TANK: variants seen among roughly 807,000 people sequenced by gnomAD.
TANK encodes the protein TRAF family member-associated NF-kappa-B activator.
TANK carries 15 observed loss-of-function variants against 43.6 expected under a neutral mutation model. The ratio of observed to expected loss-of-function variants is 0.34; its 90% CI spans 0.23 to 0.53. The LOEUF is 0.53. Ranked by LOEUF, TANK falls within the 20% of genes least tolerant of loss-of-function variation. The pLI, the probability that TANK is intolerant of heterozygous loss-of-function variation, is 0.94. For missense variants in TANK, 417 were observed against 498.6 expected (o/e 0.84, Z 1.56); for synonymous variants, 162 against 178.2 (o/e 0.91, Z 0.73).
intron 1 of TANK, among the ~76,000 whole-genome samples, chr2:161,144,683 C>A (rs1189250949): frequency 2.0e-5 from 3 of 152,032 alleles, no homozygotes; most frequent in African/African-American, 4.8e-5. Context: ...AATTTCAGTT[C>A]TTTTGCATTT....
At chr2:161,202,917 T>G (rs561239387) in intron 2 of TANK, 1 of 459,594 alleles carries the variant, frequency 2.2e-6, no homozygotes, top group East Asian at 7.3e-5. Context: ...GAAACTGGCA[T>G]TTAAGACACC....
intron 4 of TANK, chr2:161,207,964 TC>T (rs1686721582): frequency 1.1e-6 from 1 of 897,416 alleles, no homozygotes; most frequent in African/African-American, 1.8e-5. Flanking sequence ...ACATTCCCAA[TC>T]AATTGGCCTA....
At chr2:161,188,618 C>T (rs1366676321) in intron 2 of TANK, among the ~76,000 whole-genome samples, 2 of 152,168 alleles carry the variant, frequency 1.3e-5, no homozygotes, top group South Asian at 2.1e-4. Context: ...TAATACCAAT[C>T]CTCTCAGTCT....
chr2:161,166,274 A>G lies in TANK; in HGVS notation c.-50+5788A>G, dbSNP rs541110509. ...TCAGCTGCCTGGATGGAGCACAGAA[A>G]CAGCGTAGTACAATATGCTATGGGT... On this transcript the variant is annotated intron_variant, in intron 1 of 7. Transcript: ENST00000392749. 2.0e-5 allele frequency among the ~76,000 whole-genome samples: 3 copies of G among 152,348 alleles called. No individual in the cohort carries two copies. In the South Asian group the frequency reaches 6.2e-4, roughly 32 times the overall value.
intron 1 of TANK, among the ~76,000 whole-genome samples, chr2:161,165,270 C>T (rs1224444852): frequency 6.6e-6 from 1 of 152,096 alleles, no homozygotes; most frequent in African/African-American, 2.4e-5. Flanking sequence ...ACAACCCAAT[C>T]AGGTAATAGT....
intron 1 of TANK, among the ~76,000 whole-genome samples, chr2:161,138,802 T>A (rs1189821264): frequency 6.6e-6 from 1 of 152,218 alleles, no homozygotes; most frequent in African/African-American, 2.4e-5. Flanking sequence ...AAGTTCTGAT[T>A]AGAATTTCAT....
chr2:161,160,325 G>T, upstream of TANK: 1 of 823,608 alleles, frequency 1.2e-6, no homozygotes, highest in Non-Finnish European at 1.6e-6. Flanking sequence ...GTGGGGCAGG[G>T]CGGAAGGGCC....
intron 4 of TANK, chr2:161,207,819 A>G (rs1686714798): frequency 1.0e-6 from 1 of 985,378 alleles, no homozygotes; most frequent in East Asian, 1.1e-4. Flanking sequence ...GCAGTTTTTT[A>G]AAAGTATGCA....
At chr2:161,141,311 C>T (rs995630674) in intron 1 of TANK, among the ~76,000 whole-genome samples, 2 of 152,142 alleles carry the variant, frequency 1.3e-5, no homozygotes, top group African/African-American at 4.8e-5. Context: ...TGAAACCAGA[C>T]AGTGTGACTT....
chr2:161,218,176 G>T (rs1008686249), intron 4 of TANK, among the ~76,000 whole-genome samples: 1 of 152,096 alleles, frequency 6.6e-6, no homozygotes, highest in Non-Finnish European at 1.5e-5. Context: ...CAAAAAAAAG[G>T]CTATACCAAA....
intron 4 of TANK, chr2:161,212,547 T>C: frequency 1.0e-6 from 1 of 985,332 alleles, no homozygotes; most frequent in Non-Finnish European, 1.2e-6. Flanking sequence ...GTTAAAATAC[T>C]GGAAATAATT....
intron 1 of TANK, among the ~76,000 whole-genome samples, chr2:161,144,144 G>A (rs557502645): frequency 6.6e-6 from 1 of 152,118 alleles, no homozygotes; most frequent in South Asian, 2.1e-4. Flanking sequence ...ATTTCTGTGA[G>A]GTCAGAGGTG....
rs78187590 is a variant in TANK at position 161,226,585 on chromosome 2, C to T, written c.520+1839C>T. Among the ~76,000 whole-genome samples, 107 of 151,858 alleles carry T rather than the reference C, an allele frequency of 7.0e-4. 2 individuals carry two copies. The East Asian group carries it at 0.02, about 28-fold the overall frequency. On this transcript the variant is annotated intron_variant, in intron 6 of 7. Coordinates refer to ENST00000392749, the MANE Select transcript of TANK (RefSeq NM_001199135.3). Reference sequence around the variant, plus strand: ...ATCTGGGAAGAGTACGTGTATTGTCCCTATGTTATTTTGTATTAAAATTTG... The same window carrying T: ...ATCTGGGAAGAGTACGTGTATTGTCTCTATGTTATTTTGTATTAAAATTTG...
chr2:161,203,800 GA>G (rs1345434488), intron 3 of TANK, among the ~76,000 whole-genome samples: 1 of 151,948 alleles, frequency 6.6e-6, no homozygotes, highest in African/African-American at 2.4e-5. Context: ...CTATATGGTA[GA>G]ACTCTAAGTT....
chr2:161,203,545 C>T lies in TANK; in HGVS notation c.158C>T (p.Thr53Ile). The change falls in exon 3 of 8, where the codon ACT becomes ATT. Residue 53 changes from threonine (T) to isoleucine (I), a missense_variant. Coordinates refer to ENST00000392749, the MANE Select transcript of TANK (RefSeq NM_001199135.3). ...CAGGAACAGCTGTCACTTCAACAGA[C>T]TATTATTGACAAGCTAAAATCTCAG... ...EQQEQLSLQQTIIDKLKSQLL... is the reference protein window; with the variant it reads ...EQQEQLSLQQIIIDKLKSQLL... The T allele has an allele frequency of 6.2e-7, 1 of 1,612,358 alleles. No homozygotes were observed. The highest frequency in any genetic ancestry group is 1.3e-5 in the African/African-American group (1 of 74,960).
chr2:161,203,647 A>G, intron 3 of TANK, 52 bp downstream of exon 3: 1 of 1,208,878 alleles, frequency 8.3e-7, no homozygotes, highest in Non-Finnish European at 1.2e-6. Context: ...GGTGAAAAGA[A>G]AGGTGTAAGT....
intron 2 of TANK, among the ~76,000 whole-genome samples, chr2:161,195,575 T>C (rs193067789): frequency 1.5e-4 from 23 of 152,096 alleles, no homozygotes; most frequent in African/African-American, 4.3e-4. Flanking sequence ...TTGGAGACCA[T>C]ATTAAGGACT....
Position 161,224,732 on chromosome 2 carries a change from C to G in TANK, c.506C>G (p.Pro169Arg), listed in dbSNP as rs1687524482. 6.5e-7 allele frequency: 1 copy of G among 1,529,274 alleles called. No individual in the cohort carries two copies. Among genetic ancestry groups the G allele is most frequent in the Non-Finnish European group, 8.8e-7 (1 of 1,131,156 alleles). 94.7% of individuals were successfully genotyped at this position (1,529,274 alleles called of 1,614,324 possible). The change falls in exon 6 of 8, where the codon CCA becomes CGA. Residue 169 changes from proline to arginine, a missense_variant. Physicochemically the swap from Pro to Arg is moderately radical, Grantham distance 103 (BLOSUM62 -2). Transcript: ENST00000392749. ...QKDHLSKLNI[P>R]DTATETQCSV... ...GACCACTTAAGCAAACTTAATATAC[C>G]AGACACTGCAACTGGTAAGATTTAA...
chr2:161,235,266 C>T (rs1280946243), intron 7 of TANK, 76 bp from the exon 8 acceptor site: 2 of 1,329,824 alleles, frequency 1.5e-6, no homozygotes, highest in East Asian at 2.5e-5. Flanking sequence ...GTAACTCATT[C>T]AGAAATTCAA....
Sources: allele counts gnomAD v4.1 joint callset (sites outside exome capture counted in the v4.1 genomes callset), GRCh38; gene constraint gnomAD v4.1.1; transcripts MANE v1.5; gene names NCBI Gene and HGNC (gene_info 2026-07-23, HGNC 2026-07-21).